The following DPP10 variants were observed in gnomAD, a reference collection of about 807,000 sequenced individuals.
DPP10 encodes the protein dipeptidyl peptidase like 10, also known as inactive dipeptidyl peptidase 10.
In DPP10, 33 loss-of-function variants were observed where a neutral mutation model predicts 120.9. The ratio of observed to expected loss-of-function variants is 0.27; its 90% CI spans 0.21 to 0.37. The LOEUF (loss-of-function observed/expected upper bound fraction) is 0.37. DPP10 is among the 10% of genes least tolerant of loss of function. The probability of loss-of-function intolerance (pLI) is 1.00; values close to 1 mark genes in which losing one functional copy is unlikely to be tolerated. For missense variants in DPP10, 816 were observed against 942.8 expected, an observed-to-expected ratio of 0.87 and a Z score of 1.76; for synonymous variants, 337 against 326.1, an observed-to-expected ratio of 1.03 and a Z score of -0.36.
At chr2:114,927,312 A>C (rs1695706973) in intron 1 of DPP10, among the ~76,000 whole-genome samples, 1 of 146,426 alleles carries the variant, frequency 6.8e-6, no homozygotes, top group Non-Finnish European at 1.5e-5. Context: ...CAGTTAATTT[A>C]GAAAGGTTTT....
intron 1 of DPP10, among the ~76,000 whole-genome samples, chr2:114,842,382 G>A (rs1036517606): frequency 6.6e-6 from 1 of 152,036 alleles, no homozygotes; most frequent in Non-Finnish European, 1.5e-5. Context: ...ATTCTTCACG[G>A]GCATATCCTT....
At chr2:114,454,091 G>A (rs570683506) in intron 1 of DPP10, among the ~76,000 whole-genome samples, 46 of 152,182 alleles carry the variant, frequency 3.0e-4, no homozygotes, top group African/African-American at 1.1e-3. Flanking sequence ...GCATAGAAGG[G>A]GCTCCTCACC....
In DPP10 at chr2:115,196,697, T is replaced by G. The variant is rs142272152; in HGVS notation, c.61-112542T>G. Reference sequence around the variant, plus strand: ...TATTACCACTGTAAGTGCAATGAGATAAGGCCTCTGACCATGTTCTTTTGG... The same window carrying G: ...TATTACCACTGTAAGTGCAATGAGAGAAGGCCTCTGACCATGTTCTTTTGG... On this transcript the variant is annotated intron_variant, in intron 1 of 25. Transcript: ENST00000410059. Among the ~76,000 whole-genome samples the G allele has an allele frequency of 3.1e-3, 470 of 152,286 alleles. 1 individual carries two copies. Among genetic ancestry groups the G allele is most frequent in the African/African-American group, 0.01 (435 of 41,568 alleles).
intron 1 of DPP10, among the ~76,000 whole-genome samples, chr2:114,612,316 A>C (rs927492352): frequency 2.0e-5 from 3 of 152,136 alleles, no homozygotes; most frequent in African/African-American, 7.2e-5. Flanking sequence ...CTGAGAAATC[A>C]TCTCTAGCCT....
At chr2:115,514,415 G>A (rs1367061593) in intron 4 of DPP10, among the ~76,000 whole-genome samples, 1 of 150,838 alleles carries the variant, frequency 6.6e-6, no homozygotes, top group African/African-American at 2.4e-5. Flanking sequence ...TTTAAATATT[G>A]GATATGTCTC....
At chr2:115,504,631 A>G (rs1328835194) in intron 4 of DPP10, among the ~76,000 whole-genome samples, 2 of 152,278 alleles carry the variant, frequency 1.3e-5, no homozygotes, top group South Asian at 2.1e-4. Flanking sequence ...AGGATGTAAC[A>G]TTGATGTACA....
chr2:114,829,374 C>CT lies in DPP10; in HGVS notation c.60+386548dup, dbSNP rs375259302. Reference sequence around the variant, plus strand: ...AAAGGGACACATAAGACGTTTTTGTCTTTTTTTTTTTTAATTTTTTTTTTT... The same window carrying CT: ...AAAGGGACACATAAGACGTTTTTGTCTTTTTTTTTTTTTAATTTTTTTTTTT... On this transcript the variant is annotated intron_variant, in intron 1 of 25. Coordinates refer to ENST00000410059, the MANE Select transcript of DPP10 (RefSeq NM_020868.6). 1.7e-3 allele frequency among the ~76,000 whole-genome samples: 246 copies of CT among 144,916 alleles called. 1 individual carries two copies. Among genetic ancestry groups the CT allele is most frequent in the African/African-American group, 5.5e-3 (216 of 39,452 alleles).
At chr2:115,346,743 T>C in intron 3 of DPP10, among the ~76,000 whole-genome samples, 1 of 152,286 alleles carries the variant, frequency 6.6e-6, no homozygotes, top group Non-Finnish European at 1.5e-5. Context: ...TGAGACTCTG[T>C]GATCGATGCT....
intron 1 of DPP10, among the ~76,000 whole-genome samples, chr2:115,151,824 C>T (rs1289964244): frequency 2.0e-5 from 3 of 151,218 alleles, no homozygotes; most frequent in African/African-American, 7.3e-5. Flanking sequence ...TTCTTGAAAC[C>T]TCTTTCTTTA....
chr2:115,668,895 A>G (rs1045753175), intron 5 of DPP10, among the ~76,000 whole-genome samples: 2 of 152,126 alleles, frequency 1.3e-5, no homozygotes, highest in African/African-American at 2.4e-5. Flanking sequence ...ATGAGTTTTG[A>G]GGGTAGAACC....
At chr2:115,836,099 AT>A in intron 21 of DPP10, 57 bp from the exon 22 acceptor site, 3 of 607,862 alleles carry the variant, frequency 4.9e-6, no homozygotes, top group South Asian at 4.8e-5. Context: ...GTGTGTGTGT[AT>A]GTGTGTGTGT....
At chr2:114,908,965 G>A (rs1339884835) in intron 1 of DPP10, among the ~76,000 whole-genome samples, 1 of 151,560 alleles carries the variant, frequency 6.6e-6, no homozygotes, top group Non-Finnish European at 1.5e-5. Context: ...TTAGTACTGA[G>A]TTTACTACAT....
chr2:115,379,973 G>T (rs377581076), intron 3 of DPP10, among the ~76,000 whole-genome samples: 1 of 152,080 alleles, frequency 6.6e-6, no homozygotes, highest in African/African-American at 2.4e-5. Context: ...TTACTTCCAA[G>T]TATGTGGTCA....
chr2:115,580,314 T>C (rs1246549027), intron 5 of DPP10: 1 of 152,202 alleles, frequency 6.6e-6, no homozygotes, highest in African/African-American at 2.4e-5. Context: ...TTTTAGCAGC[T>C]TTAGAAATGC....
At chr2:115,344,779 A>G (rs1237585396) in intron 3 of DPP10, among the ~76,000 whole-genome samples, 1 of 152,170 alleles carries the variant, frequency 6.6e-6, no homozygotes, top group Non-Finnish European at 1.5e-5. Flanking sequence ...TTATGGTTGG[A>G]TAGCTGTTAA....
intron 1 of DPP10, among the ~76,000 whole-genome samples, chr2:115,119,326 G>A (rs142742897): frequency 6.6e-6 from 1 of 152,160 alleles, no homozygotes; most frequent in South Asian, 2.1e-4. Context: ...ATCTTATCAG[G>A]AAGCTGCTAA....
At chr2:115,803,465 C>T (rs1036844462) in intron 19 of DPP10, among the ~76,000 whole-genome samples, 16 of 152,118 alleles carry the variant, frequency 1.1e-4, no homozygotes, top group African/African-American at 3.9e-4. Flanking sequence ...TGAATTTGAT[C>T]CTGTCATTAT....
intron 1 of DPP10, among the ~76,000 whole-genome samples, chr2:114,947,960 A>T (rs1697490422): frequency 6.6e-6 from 1 of 152,002 alleles, no homozygotes; most frequent in Non-Finnish European, 1.5e-5. Context: ...AATCATTTTA[A>T]TCTAAGATCT....
intron 5 of DPP10, among the ~76,000 whole-genome samples, chr2:115,585,531 G>A (rs965134158): frequency 7.9e-5 from 12 of 152,112 alleles, no homozygotes; most frequent in Non-Finnish European, 1.5e-4. Flanking sequence ...AATAAAAAAG[G>A]TAAATAAGTT....
Sources: gnomAD v4.1 joint callset for allele counts (sites outside exome capture counted in the v4.1 genomes callset) on GRCh38, gnomAD v4.1.1 for gene constraint, MANE v1.5 for transcripts, NCBI Gene and HGNC (gene_info 2026-07-23, HGNC 2026-07-21) for gene names.